The following NUMB variants were observed in gnomAD, a reference collection of about 807,000 sequenced individuals.
NUMB encodes the protein NUMB endocytic adaptor protein.
NUMB carries 29 observed loss-of-function variants against 59.7 expected under a neutral mutation model. The ratio of observed to expected loss-of-function variants is 0.49; its 90% CI spans 0.36 to 0.66. The LOEUF (loss-of-function observed/expected upper bound fraction) is 0.66. NUMB is among the 30% of genes least tolerant of loss of function. The pLI is 0.00. For synonymous variants in NUMB, 288 were observed against 288.2 expected (o/e 1.00, Z 0.01); for missense variants, 723 against 822.0 (o/e 0.88, Z 1.47).
At chr14:73,385,496 C>CTT (rs35526624) in intron 2 of NUMB, among the ~76,000 whole-genome samples, 4,359 of 65,016 alleles carry the variant, frequency 0.067, 341 homozygotes, top group African/African-American at 0.15. Flanking sequence ...GGCTAGTGGC[C>CTT]TTTTTTTTTT....
intron 4 of NUMB, among the ~76,000 whole-genome samples, chr14:73,324,138 C>G (rs938500622): frequency 6.6e-6 from 1 of 152,174 alleles, no homozygotes; most frequent in Non-Finnish European, 1.5e-5. Flanking sequence ...AAGAGACTAA[C>G]GGTCAACACC....
chr14:73,335,724 C>T (rs979473087), intron 4 of NUMB, among the ~76,000 whole-genome samples: 1 of 152,154 alleles, frequency 6.6e-6, no homozygotes, highest in Non-Finnish European at 1.5e-5. Flanking sequence ...TTATCCATCA[C>T]AAGAAATGCA....
chr14:73,423,095 A>G (rs1897424678), intron 1 of NUMB, among the ~76,000 whole-genome samples: 1 of 152,168 alleles, frequency 6.6e-6, no homozygotes, highest in Non-Finnish European at 1.5e-5. Flanking sequence ...CAAGATTTCA[A>G]GCCCTCTGAT....
chr14:73,429,770 C>T (rs1282712664), intron 1 of NUMB, among the ~76,000 whole-genome samples: 1 of 151,994 alleles, frequency 6.6e-6, no homozygotes, highest in Non-Finnish European at 1.5e-5. Context: ...TGGTGAAACC[C>T]CGTCTCTACT....
chr14:73,356,537 G>A (rs1370839301), intron 3 of NUMB, among the ~76,000 whole-genome samples: 2 of 152,072 alleles, frequency 1.3e-5, no homozygotes, highest in Non-Finnish European at 2.9e-5. Flanking sequence ...CAGCTACTCA[G>A]GAGGCTGAGG....
intron 11 of NUMB, among the ~76,000 whole-genome samples, chr14:73,279,636 T>C (rs1430578088): frequency 6.6e-6 from 1 of 152,232 alleles, no homozygotes; most frequent in Non-Finnish European, 1.5e-5. Context: ...AATGGTTGTA[T>C]AGATAAAGTC....
At chr14:73,372,338 A>T (rs1465708410) in intron 2 of NUMB, among the ~76,000 whole-genome samples, 5 of 51,862 alleles carry the variant, frequency 9.6e-5, no homozygotes, top group Admixed American at 2.5e-4. Flanking sequence ...TATATATATA[A>T]CCTTTTATAT....
intron 1 of NUMB, among the ~76,000 whole-genome samples, chr14:73,443,174 C>T (rs1467031700): frequency 6.6e-6 from 1 of 152,150 alleles, no homozygotes; most frequent in Admixed American, 6.5e-5. Flanking sequence ...GCCCTGTTTA[C>T]CTTAAATACG....
rs78432773 is a variant in NUMB at position 73,278,745 on chromosome 14, T to C, written c.1240+536A>G. Among the ~76,000 whole-genome samples the C allele has an allele frequency of 8.3e-3, 887 of 107,204 alleles. 2 individuals carry two copies. The highest frequency in any genetic ancestry group is 0.026 in the East Asian group (76 of 2,944). 70.3% of individuals were successfully genotyped at this position (107,204 alleles called of 152,430 possible). Reference sequence around the variant, plus strand: ...TCTTTTTTTTTTTTTTTTTTTTTTTTGAGACAGAGTATTGCTCTGTTGCCC... The same window carrying C: ...TCTTTTTTTTTTTTTTTTTTTTTTTCGAGACAGAGTATTGCTCTGTTGCCC... On this transcript the variant is annotated intron_variant, in intron 12 of 12. Coordinates refer to ENST00000555238, the MANE Select transcript of NUMB (RefSeq NM_001005743.2).
At chr14:73,427,950 G>A (rs1897658410) in intron 1 of NUMB, among the ~76,000 whole-genome samples, 1 of 152,048 alleles carries the variant, frequency 6.6e-6, no homozygotes, top group South Asian at 2.1e-4. Context: ...ACAAAAATAA[G>A]CAACTAGATT....
intron 4 of NUMB, among the ~76,000 whole-genome samples, chr14:73,328,182 C>T (rs528979254): frequency 1.9e-4 from 29 of 150,574 alleles, no homozygotes; most frequent in Middle Eastern, 3.4e-3. Context: ...GGCTGAGGCA[C>T]GAGAATTGCC....
chr14:73,313,172 T>C (rs1446479619), intron 6 of NUMB, among the ~76,000 whole-genome samples: 1 of 151,966 alleles, frequency 6.6e-6, no homozygotes, highest in Non-Finnish European at 1.5e-5. Flanking sequence ...GTATTTTCAG[T>C]AGAGAAGGGA....
At chr14:73,445,012 A>G (rs1180074088) in intron 1 of NUMB, among the ~76,000 whole-genome samples, 1 of 152,208 alleles carries the variant, frequency 6.6e-6, no homozygotes, top group Non-Finnish European at 1.5e-5. Context: ...GATTCAATAC[A>G]GTACTTAAAT....
intron 4 of NUMB, among the ~76,000 whole-genome samples, chr14:73,353,431 T>G (rs1328405709): frequency 1.3e-5 from 2 of 151,228 alleles, no homozygotes; most frequent in Non-Finnish European, 2.9e-5. Context: ...GGAATTTAAG[T>G]TGTTTCCAAA....
intron 2 of NUMB, among the ~76,000 whole-genome samples, chr14:73,396,752 T>A (rs1475243899): frequency 6.6e-6 from 1 of 152,132 alleles, no homozygotes; most frequent in Non-Finnish European, 1.5e-5. Flanking sequence ...ATCAGACCAA[T>A]CAGATAATTT....
chr14:73,288,380 G>A (rs910204402), intron 8 of NUMB, among the ~76,000 whole-genome samples: 2 of 151,884 alleles, frequency 1.3e-5, no homozygotes, highest in Non-Finnish European at 2.9e-5. Flanking sequence ...GCGAAACCCC[G>A]TCTCTACTAA....
At chr14:73,375,195 A>G (rs1006087979) in intron 2 of NUMB, among the ~76,000 whole-genome samples, 1 of 152,356 alleles carries the variant, frequency 6.6e-6, no homozygotes, top group Non-Finnish European at 1.5e-5. Flanking sequence ...GTCCTAAATC[A>G]TATCAGTCAA....
At chr14:73,363,781 T>C (rs1894202115) in intron 3 of NUMB, among the ~76,000 whole-genome samples, 1 of 152,062 alleles carries the variant, frequency 6.6e-6, no homozygotes, top group African/African-American at 2.4e-5. Flanking sequence ...AGACCTCATC[T>C]CTACTAAAAA....
At chr14:73,405,651 G>A (rs1170356006) in intron 2 of NUMB, among the ~76,000 whole-genome samples, 1 of 151,968 alleles carries the variant, frequency 6.6e-6, no homozygotes, top group Non-Finnish European at 1.5e-5. Flanking sequence ...GGTCATCCAT[G>A]GTGGGGGCAG....
Sources: gnomAD v4.1 joint callset for allele counts (sites outside exome capture counted in the v4.1 genomes callset) on GRCh38, gnomAD v4.1.1 for gene constraint, MANE v1.5 for transcripts, NCBI Gene and HGNC (gene_info 2026-07-23, HGNC 2026-07-21) for gene names.